The following TAB1 variants were observed in gnomAD, a reference collection of about 807,000 sequenced individuals.
TAB1 encodes TGF-beta-activated kinase 1 and MAP3K7-binding protein 1.
Under a neutral mutation model 54.5 loss-of-function variants are expected in TAB1, and 30 were observed. The observed-to-expected ratio is 0.55, with a 90% CI of 0.41 to 0.75. The LOEUF (loss-of-function observed/expected upper bound fraction) is 0.75. Ranked by LOEUF, TAB1 falls within the 30% of genes least tolerant of loss-of-function variation. The pLI is 0.00. For synonymous variants in TAB1, 289 were observed against 286.9 expected (o/e 1.01, Z -0.07); for missense variants, 609 against 683.2 (o/e 0.89, Z 1.21).
intron 3 of TAB1, 65 bp from the exon 4 acceptor site, chr22:39,416,726 G>A (rs987747573): frequency 2.9e-5 from 42 of 1,451,110 alleles, no homozygotes; most frequent in Non-Finnish European, 4.0e-5. Context: ...ATTAATAGAG[G>A]ACATTTTGGC....
chr22:39,426,488 A>C (rs1927342590), intron 8 of TAB1, among the ~76,000 whole-genome samples: 1 of 152,242 alleles, frequency 6.6e-6, no homozygotes, highest in Non-Finnish European at 1.5e-5. Context: ...CAATTAGAGC[A>C]ATCACAAGAG....
At chr22:39,416,459 G>C (rs190210617) in intron 3 of TAB1, among the ~76,000 whole-genome samples, 110 of 152,372 alleles carry the variant, frequency 7.2e-4, no homozygotes, top group African/African-American at 2.6e-3. Flanking sequence ...GTGTGAGACT[G>C]AGGGGGCCAG....
intron 1 of TAB1, among the ~76,000 whole-genome samples, chr22:39,405,627 T>G (rs1601682796): frequency 1.3e-5 from 2 of 148,710 alleles, no homozygotes; most frequent in African/African-American, 5.0e-5. Context: ...GGTGGAGGGG[T>G]GGGTGGTTTG....
At chr22:39,404,322 G>C (rs550809794) in intron 1 of TAB1, among the ~76,000 whole-genome samples, 23 of 152,294 alleles carry the variant, frequency 1.5e-4, no homozygotes, top group African/African-American at 5.1e-4. Context: ...GGTGGCTCAT[G>C]CCTGGAATCC....
intron 10 of TAB1, chr22:39,429,108 T>C: frequency 1.0e-6 from 1 of 985,432 alleles, no homozygotes; most frequent in Non-Finnish European, 1.2e-6. Flanking sequence ...CTCCCCTGCC[T>C]GTGTTCCTCA....
At position 39,430,262 on chromosome 22, in the gene TAB1, G is replaced by A. The variant is rs868530670; in HGVS notation, c.*40G>A. 1.9e-6 allele frequency: 3 copies of A among 1,604,020 alleles called. No individual in the cohort carries two copies. The Middle Eastern group carries it at 5.0e-4, about 266-fold the overall frequency. On this transcript the variant is annotated 3_prime_UTR_variant, in exon 11 of 11. Transcript: ENST00000216160. The stretch of plus-strand genomic sequence containing the variant: ...GCAGCCCAAGCAGGGCCTGGCATGG[G>A]GCAGGACAGGGTCCAGCCTTTTCCT...
At chr22:39,421,012 C>A (rs3859849) in intron 7 of TAB1, among the ~76,000 whole-genome samples, 25,757 of 139,062 alleles carry the variant, frequency 0.19, 3,795 homozygotes, top group East Asian at 0.77. Flanking sequence ...CTGGTGTGTC[C>A]TGCCCCTCCC....
downstream of TAB1, chr22:39,433,737 C>T (rs1000322641): frequency 4.1e-5 from 40 of 985,300 alleles, no homozygotes; most frequent in Middle Eastern, 1.5e-3. Context: ...TGGGGGCAGC[C>T]GGGCCTGTCT....
At chr22:39,417,949 C>A in intron 5 of TAB1, 100 bp downstream of exon 5, 1 of 1,448,058 alleles carries the variant, frequency 6.9e-7, no homozygotes, top group Non-Finnish European at 9.2e-7. Context: ...ACTTCACGCA[C>A]TTTAAACCCA....
chr22:39,425,244 C>T (rs1240611394), intron 8 of TAB1, among the ~76,000 whole-genome samples: 1 of 151,508 alleles, frequency 6.6e-6, no homozygotes, highest in Non-Finnish European at 1.5e-5. Context: ...TTATCTGGTG[C>T]ATAGTGACGC....
At chr22:39,421,798 A>G (rs2145675304) in intron 7 of TAB1, 29 bp from the exon 8 acceptor site, 2 of 1,613,412 alleles carry the variant, frequency 1.2e-6, no homozygotes, top group South Asian at 2.2e-5. Context: ...GTTCCAAGCA[A>G]AGCTCTTCCT....
At chr22:39,429,376 C>G (rs913561017) in intron 10 of TAB1, 3 of 985,218 alleles carry the variant, frequency 3.0e-6, no homozygotes. Flanking sequence ...CAGCTTCACC[C>G]GAGGAACTTC....
In TAB1 at chr22:39,403,104, C is replaced by T. The variant is rs536949469; in HGVS notation, c.33+3269C>T. On this transcript the variant is annotated intron_variant, in intron 1 of 10. Coordinates refer to ENST00000216160, the MANE Select transcript of TAB1 (RefSeq NM_006116.3). ...AGTGCTGCCGTGAGTGAATGCTGTT[C>T]ATTCCCTTAAATGTCCCTGAGCACT... Among the ~76,000 whole-genome samples the T allele has an allele frequency of 2.0e-3, 304 of 152,386 alleles. 1 individual carries two copies. Among genetic ancestry groups the T allele is most frequent in the African/African-American group, 7.1e-3 (294 of 41,602 alleles).
At chr22:39,417,664 A>G (rs753601496) in intron 4 of TAB1, 47 bp from the exon 5 acceptor site, 66 of 1,519,038 alleles carry the variant, frequency 4.3e-5, no homozygotes, top group Non-Finnish European at 5.6e-5. Flanking sequence ...GGCTAGGAAG[A>G]TGGTCCAGAG....
intron 1 of TAB1, among the ~76,000 whole-genome samples, chr22:39,411,471 A>C (rs577226800): frequency 7.2e-5 from 11 of 152,350 alleles, no homozygotes; most frequent in African/African-American, 2.4e-4. Flanking sequence ...GTTGGTGCCA[A>C]ATAAACACGT....
intron 8 of TAB1, among the ~76,000 whole-genome samples, chr22:39,425,676 A>G (rs1482183145): frequency 3.3e-5 from 5 of 150,458 alleles, no homozygotes; most frequent in Admixed American, 3.3e-4. Context: ...CCTCCCGAGT[A>G]GCTGGGACTA....
In TAB1 at chr22:39,431,794, T is replaced by C; in HGVS notation, c.*1572T>C. The C allele has an allele frequency of 1.0e-6, 1 of 985,520 alleles. No homozygotes were observed. Among genetic ancestry groups the C allele is most frequent in the South Asian group, 4.7e-5 (1 of 21,294 alleles). The allele number at this position is 985,520 out of a possible 1,614,324, so 61.0% of individuals were successfully genotyped here. ...AGGAATTCTCTTCCAAGAATGCCTC[T>C]GTGGTGCTGTTTGGTCTCTAGAAAC... On this transcript the variant is annotated 3_prime_UTR_variant, in exon 11 of 11. Transcript: ENST00000216160.
At chr22:39,421,696 CTT>C in intron 7 of TAB1, 129 bp from the exon 8 acceptor site, 4 of 1,001,874 alleles carry the variant, frequency 4.0e-6, no homozygotes, top group South Asian at 1.6e-5. Flanking sequence ...CTCTTTCTCT[CTT>C]TTCTTTTCCT....
At chr22:39,433,479 C>G (rs1310055816), downstream of TAB1, 3 of 984,662 alleles carry the variant, frequency 3.0e-6, no homozygotes, top group Non-Finnish European at 3.6e-6. Flanking sequence ...ACATCAGTCT[C>G]TCCCAAAACC....
Sources: gnomAD v4.1 joint callset for allele counts (sites outside exome capture counted in the v4.1 genomes callset) on GRCh38, gnomAD v4.1.1 for gene constraint, MANE v1.5 for transcripts, NCBI Gene and HGNC (gene_info 2026-07-23, HGNC 2026-07-21) for gene names.